Variants in COL14A1 observed in about 807,000 individuals in gnomAD.
COL14A1 encodes the protein collagen type XIV alpha 1 chain, also known as collagen alpha-1(XIV) chain.
Under a neutral mutation model 230.3 loss-of-function variants are expected in COL14A1, and 136 were observed. The observed-to-expected ratio is 0.59, with a 90% CI of 0.51 to 0.68. The LOEUF is 0.68. COL14A1 is among the 30% of genes least tolerant of loss of function. COL14A1 has a pLI of 0.00. For missense variants in COL14A1, 1,976 were observed against 2,215.8 expected (o/e 0.89, Z 2.17); for synonymous variants, 792 against 784.1 (o/e 1.01, Z -0.17).
rs1210030883 is a variant in COL14A1 at position 120,227,371 on chromosome 8, A to C, written c.2137+19A>C. 5 of 1,612,622 alleles carry C rather than the reference A, an allele frequency of 3.1e-6. No homozygotes were observed. Among genetic ancestry groups the C allele is most frequent in the Non-Finnish European group, 4.2e-6 (5 of 1,179,856 alleles). On this transcript the variant is annotated intron_variant, in intron 17 of 47. Coordinates refer to ENST00000297848, the MANE Select transcript of COL14A1 (RefSeq NM_021110.4). ...ACCACACGTAAGTCTTGGTCTGGCCACAGTGCGTTTTAGCTGCTCCCACAA... is the reference window on the plus strand; with the variant it reads ...ACCACACGTAAGTCTTGGTCTGGCCCCAGTGCGTTTTAGCTGCTCCCACAA...
At position 120,206,443 on chromosome 8, in the gene COL14A1, C is replaced by T. The variant is rs149996444; in HGVS notation, c.1040-500C>T. Among the ~76,000 whole-genome samples, 476 of 152,222 alleles carry T rather than the reference C, an allele frequency of 3.1e-3. 1 individual carries two copies. Among genetic ancestry groups the T allele is most frequent in the African/African-American group, 0.011 (444 of 41,556 alleles). On this transcript the variant is annotated intron_variant, in intron 9 of 47. Coordinates refer to ENST00000297848, the MANE Select transcript of COL14A1 (RefSeq NM_021110.4). The stretch of plus-strand genomic sequence containing the variant: ...TCGGCTCACTGCAACCTCTGCCTCC[C>T]GGTTTAAGTGATTCTCCTGCCTCAG...
chr8:120,175,703 A>G (rs1343514132), intron 5 of COL14A1, among the ~76,000 whole-genome samples: 1 of 152,216 alleles, frequency 6.6e-6, no homozygotes, highest in Non-Finnish European at 1.5e-5. Flanking sequence ...AACAGAGATC[A>G]TATGGCCTGC....
intron 8 of COL14A1, among the ~76,000 whole-genome samples, 160 bp from the exon 9 acceptor site, chr8:120,203,549 G>T (rs1358530342): frequency 1.3e-5 from 2 of 151,950 alleles, no homozygotes; most frequent in African/African-American, 4.8e-5. Context: ...TTTATTTCGT[G>T]TGCGCATTTT....
rs774663276 is a variant in COL14A1 at position 120,280,689 on chromosome 8, TTTTG to T, written c.3647-13_3647-10del. The T allele has an allele frequency of 1.9e-6, 3 of 1,611,722 alleles. No homozygotes were observed. Among genetic ancestry groups the T allele is most frequent in the Non-Finnish European group, 2.5e-6 (3 of 1,178,498 alleles). On this transcript the variant is annotated intron_variant, in intron 29 of 47. Coordinates refer to ENST00000297848, the MANE Select transcript of COL14A1 (RefSeq NM_021110.4). ...GTGAAATATCCGAATTAGAGTTTTA[TTTTG>T]TTTGTTTGGTTTTCCAGCCTGTCCA...
intron 5 of COL14A1, among the ~76,000 whole-genome samples, chr8:120,189,092 T>C (rs963888556): frequency 1.3e-5 from 2 of 152,260 alleles, no homozygotes; most frequent in African/African-American, 4.8e-5. Flanking sequence ...TTTAAAAAGA[T>C]TCACTGTAAC....
At chr8:120,224,216 G>A (rs1438335080) in intron 14 of COL14A1, among the ~76,000 whole-genome samples, 4 of 151,638 alleles carry the variant, frequency 2.6e-5, no homozygotes, top group African/African-American at 9.7e-5. Flanking sequence ...TAGTACAGAT[G>A]GGGTTTCACC....
At chr8:120,204,002 G>T (rs967839759) in intron 9 of COL14A1, 132 bp downstream of exon 9, 1 of 795,262 alleles carries the variant, frequency 1.3e-6, no homozygotes, top group Non-Finnish European at 1.9e-6. Context: ...GACCTGAGCC[G>T]TCAGAGTAGA....
intron 28 of COL14A1, among the ~76,000 whole-genome samples, chr8:120,279,174 G>T (rs1819955179): frequency 6.6e-6 from 1 of 151,936 alleles, no homozygotes; most frequent in Admixed American, 6.6e-5. Context: ...GGGAGGGAGA[G>T]CATTAAGACA....
chr8:120,176,800 G>A (rs73321663), intron 5 of COL14A1, among the ~76,000 whole-genome samples: 5,469 of 152,222 alleles, frequency 0.036, 338 homozygotes, highest in African/African-American at 0.12. Flanking sequence ...CATAGAGTAT[G>A]CTCTATTAGT....
chr8:120,126,742 G>A (rs1481234481), intron 1 of COL14A1, among the ~76,000 whole-genome samples: 1 of 152,172 alleles, frequency 6.6e-6, no homozygotes, highest in Admixed American at 6.5e-5. Flanking sequence ...TTCTGTTTCT[G>A]ACAGCATGGT....
chr8:120,369,300 C>T (rs1283403502), intron 46 of COL14A1, 30 bp from the exon 47 acceptor site: 2 of 1,468,870 alleles, frequency 1.4e-6, no homozygotes, highest in Non-Finnish European at 1.8e-6. Context: ...GGCAAAAGAC[C>T]AACGGTTTTC....
At chr8:120,347,665 TTTCTC>T (rs1182520129) in intron 45 of COL14A1, among the ~76,000 whole-genome samples, 3 of 152,210 alleles carry the variant, frequency 2.0e-5, no homozygotes, top group Non-Finnish European at 4.4e-5. Context: ...TCAGCTATCT[TTTCTC>T]TTCTCATTTT....
intron 45 of COL14A1, among the ~76,000 whole-genome samples, chr8:120,365,687 T>G (rs1037628143): frequency 4.9e-4 from 75 of 152,220 alleles, no homozygotes; most frequent in African/African-American, 1.8e-3. Context: ...TTTTTACTTT[T>G]GAGAAATCAT....
intron 26 of COL14A1, among the ~76,000 whole-genome samples, chr8:120,277,153 A>C (rs905685291): frequency 2.0e-5 from 3 of 152,154 alleles, no homozygotes; most frequent in African/African-American, 7.2e-5. Context: ...GTGGTTAAGA[A>C]CATACATTTT....
chr8:120,243,603 C>T (rs116964119), intron 19 of COL14A1, among the ~76,000 whole-genome samples: 3,861 of 152,268 alleles, frequency 0.025, 70 homozygotes, highest in Non-Finnish European at 0.032. Context: ...CTTCTGGATA[C>T]TTTACAAATG....
intron 3 of COL14A1, among the ~76,000 whole-genome samples, chr8:120,159,973 T>G (rs990709988): frequency 3.9e-5 from 6 of 152,158 alleles, no homozygotes; most frequent in African/African-American, 1.4e-4. Flanking sequence ...ATTACAGGTG[T>G]GAGCTATCAC....
intron 34 of COL14A1, among the ~76,000 whole-genome samples, chr8:120,295,167 G>A (rs1438700996): frequency 1.3e-5 from 2 of 151,822 alleles, no homozygotes; most frequent in South Asian, 4.1e-4. Flanking sequence ...ATGATTTGCA[G>A]ACTTAGCTGA....
At chr8:120,160,923 G>A (rs1027319128) in intron 3 of COL14A1, among the ~76,000 whole-genome samples, 3 of 152,064 alleles carry the variant, frequency 2.0e-5, no homozygotes, top group African/African-American at 7.2e-5. Flanking sequence ...GAATCTCAAA[G>A]CCTTTAATAA....
intron 5 of COL14A1, among the ~76,000 whole-genome samples, chr8:120,169,333 G>A (rs541108382): frequency 1.3e-5 from 2 of 152,088 alleles, no homozygotes; most frequent in African/African-American, 4.8e-5. Context: ...TCAGTAATTT[G>A]TACTTCTGTT....
Sources: gnomAD v4.1 joint callset for allele counts (sites outside exome capture counted in the v4.1 genomes callset) on GRCh38, gnomAD v4.1.1 for gene constraint, MANE v1.5 for transcripts, NCBI Gene and HGNC (gene_info 2026-07-23, HGNC 2026-07-21) for gene names.